Variants in CNNM3 observed in about 807,000 individuals in gnomAD.
CNNM3 encodes the protein cyclin and CBS domain divalent metal cation transport mediator 3, also known as metal transporter CNNM3.
CNNM3 carries 47 observed loss-of-function variants against 57.1 expected under a neutral mutation model. The ratio of observed to expected loss-of-function variants is 0.82; its 90% CI spans 0.65 to 1.05. The LOEUF (loss-of-function observed/expected upper bound fraction) is 1.05. Among genes scored for constraint, CNNM3 ranks in the 50% least tolerant of loss-of-function variants. The pLI is 0.00. For missense variants in CNNM3, 957 were observed against 973.7 expected (o/e 0.98, Z 0.23); for synonymous variants, 507 against 478.2 (o/e 1.06, Z -0.79).
At chr2:96,821,242 T>C (rs2079402058) in intron 1 of CNNM3, among the ~76,000 whole-genome samples, 1 of 152,218 alleles carries the variant, frequency 6.6e-6, no homozygotes, top group Non-Finnish European at 1.5e-5. Context: ...GCAAATATCT[T>C]TATTTTTTCC....
Position 96,832,927 on chromosome 2 carries a change from G to GGGACAGTGC in CNNM3, c.*314_*322dup. On this transcript the variant is annotated 3_prime_UTR_variant, in exon 8 of 8. Transcript: ENST00000305510. ...AGCCTTCCCCTTCTCCCCCGGGGCA[G>GGGACAGTGC]GGACAGTGCGGCATATTCAGATTCA... 1 of 1,417,260 alleles carries GGGACAGTGC rather than the reference G, an allele frequency of 7.1e-7. No homozygotes were observed. The highest frequency in any genetic ancestry group is 9.3e-7 in the Non-Finnish European group (1 of 1,071,494). 87.8% of individuals were successfully genotyped at this position (1,417,260 alleles called of 1,614,324 possible).
intron 2 of CNNM3, among the ~76,000 whole-genome samples, 175 bp from the exon 3 acceptor site, chr2:96,826,657 TG>T (rs1244272352): frequency 2.6e-5 from 4 of 152,144 alleles, no homozygotes; most frequent in African/African-American, 2.4e-5. Context: ...GTGGTTGGGG[TG>T]GGAGCAGGCC....
rs1055552530 is a variant in CNNM3, at chr2:96,825,319, A to G, written c.1369+118A>G. 4 of 1,299,838 alleles carry G rather than the reference A, an allele frequency of 3.1e-6. No individual in the cohort carries two copies. The African/African-American group carries it at 4.4e-5, about 14-fold the overall frequency. The allele number at this position is 1,299,838 out of a possible 1,614,324, so 80.5% of individuals were successfully genotyped here. On this transcript the variant is annotated intron_variant, in intron 2 of 7. Coordinates refer to ENST00000305510, the MANE Select transcript of CNNM3 (RefSeq NM_017623.5). ...CTGGAACCCAGCAAGATCCACAGCC[A>G]GGCCCCCTTCTGAGCCCTGCATGGG...
chr2:96,831,935 C>T lies in CNNM3; in HGVS notation c.2060-617C>T, dbSNP rs1013572939. The T allele has an allele frequency of 1.2e-5, 11 of 944,858 alleles. No individual in the cohort carries two copies. The East Asian group carries it at 8.1e-4, about 70-fold the overall frequency. The allele number at this position is 944,858 out of a possible 1,614,324, so 58.5% of individuals were successfully genotyped here. ...AGGCACAACCATTTCTGCTCAATAG[C>T]TTCTCCTCTTCTTTCTCTCTCTGCT... On this transcript the variant is annotated intron_variant, in intron 7 of 7. Transcript: ENST00000305510.
intron 5 of CNNM3, 164 bp downstream of exon 5, chr2:96,828,359 T>C (rs1298925757): frequency 1.1e-5 from 9 of 815,116 alleles, no homozygotes; most frequent in Non-Finnish European, 1.7e-5. Flanking sequence ...GAGGGCAGCA[T>C]TCTTCATCGC....
intron 1 of CNNM3, among the ~76,000 whole-genome samples, chr2:96,823,544 GGCCCTA>G (rs1287105715): frequency 1.2e-4 from 18 of 152,216 alleles, no homozygotes; most frequent in African/African-American, 4.1e-4. Context: ...AATCTCCAGG[GGCCCTA>G]GCCTTCCTCC....
intron 1 of CNNM3, among the ~76,000 whole-genome samples, chr2:96,817,751 C>T (rs2079346152): frequency 2.3e-5 from 2 of 86,642 alleles, no homozygotes; most frequent in Non-Finnish European, 4.0e-5. Context: ...GTCAGGATAG[C>T]CCCCCCCCCC....
chr2:96,820,664 G>A (rs1574101270), intron 1 of CNNM3, among the ~76,000 whole-genome samples: 2 of 152,184 alleles, frequency 1.3e-5, no homozygotes, highest in African/African-American at 4.8e-5. Flanking sequence ...GGATGCCGTT[G>A]ACCTTTGCAA....
intron 7 of CNNM3, among the ~76,000 whole-genome samples, chr2:96,830,031 A>C (rs2079574763): frequency 6.6e-6 from 1 of 152,212 alleles, no homozygotes; most frequent in African/African-American, 2.4e-5. Context: ...TGGGATATGG[A>C]ACCCCATCCC....
intron 2 of CNNM3, among the ~76,000 whole-genome samples, chr2:96,825,545 T>C (rs916877832): frequency 5.9e-5 from 9 of 152,168 alleles, no homozygotes; most frequent in African/African-American, 2.2e-4. Flanking sequence ...GGTGCTTTTG[T>C]TTTTGCAGGT....
At chr2:96,818,292 C>A (rs989643323) in intron 1 of CNNM3, among the ~76,000 whole-genome samples, 2 of 151,854 alleles carry the variant, frequency 1.3e-5, no homozygotes, top group African/African-American at 4.8e-5. Flanking sequence ...ACCACGTTGA[C>A]CAAGCTGGTC....
intron 1 of CNNM3, among the ~76,000 whole-genome samples, chr2:96,823,404 T>G (rs958809035): frequency 6.6e-6 from 1 of 152,160 alleles, no homozygotes; most frequent in Non-Finnish European, 1.5e-5. Flanking sequence ...CACTTGGCCT[T>G]CCTGGCCTGG....
At chr2:96,825,006 T>C in intron 1 of CNNM3, 52 bp from the exon 2 acceptor site, 1 of 1,607,258 alleles carries the variant, frequency 6.2e-7, no homozygotes, top group Non-Finnish European at 8.5e-7. Context: ...GGGAGATGAA[T>C]CAAACTGGGG....
In CNNM3 at chr2:96,828,981, G is replaced by T; in HGVS notation, c.1921-15G>T. The T allele has an allele frequency of 1.2e-6, 2 of 1,612,524 alleles. No individual in the cohort carries two copies. The highest frequency in any genetic ancestry group is 1.7e-6 in the Non-Finnish European group (2 of 1,178,882). ...GCTTCACCAATTGGGTCCCAGTAAC[G>T]CTGTCATCCTCCAGGTTACGCGACT... On this transcript the variant is annotated splice_polypyrimidine_tract_variant and intron_variant, in intron 6 of 7. Transcript: ENST00000305510.
chr2:96,822,032 G>T (rs2079415936), intron 1 of CNNM3, among the ~76,000 whole-genome samples: 2 of 148,278 alleles, frequency 1.3e-5, no homozygotes, highest in Admixed American at 6.7e-5. Flanking sequence ...GAGATGGAGT[G>T]TTGCTCTCTT....
rs1232311263 is a variant in CNNM3, at chr2:96,816,918, A to T, written c.641A>T (p.Tyr214Phe). The T allele has an allele frequency of 8.4e-7, 1 of 1,191,522 alleles. No individual in the cohort carries two copies. Among genetic ancestry groups the T allele is most frequent in the Admixed American group, 4.8e-5 (1 of 20,860 alleles). 73.8% of individuals were successfully genotyped at this position (1,191,522 alleles called of 1,614,324 possible). Residue 214 changes from tyrosine to phenylalanine, a missense_variant, in exon 1 of 8, where the codon TAC (tyrosine) becomes TTC (phenylalanine). Transcript: ENST00000305510. ...LAQAALAVLL[Y>F]RAAGQRAVPA... Reference sequence around the variant, plus strand: ...CAGGCGGCGCTGGCGGTGCTGCTGTACCGCGCGGCCGGCCAGCGTGCGGTG... The same window carrying T: ...CAGGCGGCGCTGGCGGTGCTGCTGTTCCGCGCGGCCGGCCAGCGTGCGGTG...
intron 3 of CNNM3, 139 bp downstream of exon 3, chr2:96,827,121 C>T: frequency 1.1e-6 from 1 of 928,172 alleles, no homozygotes; most frequent in Non-Finnish European, 1.6e-6. Flanking sequence ...TCTCTGCAGC[C>T]CTGCCAGCAT....
Position 96,817,398 on chromosome 2 carries a change from A to G in CNNM3, c.1121A>G (p.Glu374Gly), listed in dbSNP as rs1416298602. Residue 374 changes from glutamate (E) to glycine (G), a missense_variant, in exon 1 of 8, where the codon GAA becomes GGA. This residue lies in a region of CNNM3 where 491 missense variants were observed against 570.6 expected (regional missense o/e 0.86). Coordinates refer to ENST00000305510, the MANE Select transcript of CNNM3 (RefSeq NM_017623.5). Reference sequence around the variant, plus strand: ...AAGGACTTGGCCTTCGTGGATCCCGAAGACTGCACGCCGCTCAGCACCATC... The same window carrying G: ...AAGGACTTGGCCTTCGTGGATCCCGGAGACTGCACGCCGCTCAGCACCATC... ...YLKDLAFVDPEDCTPLSTITR... is the reference protein window; with the variant it reads ...YLKDLAFVDPGDCTPLSTITR... 6.2e-7 allele frequency: 1 copy of G among 1,614,098 alleles called. No homozygotes were observed. The highest frequency in any genetic ancestry group is 8.5e-7 in the Non-Finnish European group (1 of 1,180,016).
In CNNM3 at chr2:96,816,387, G is replaced by C; in HGVS notation, c.110G>C (p.Cys37Ser). 1 of 1,363,726 alleles carries C rather than the reference G, an allele frequency of 7.3e-7. No individual in the cohort carries two copies. Among genetic ancestry groups the C allele is most frequent in the South Asian group, 1.8e-5 (1 of 56,268 alleles). The allele number at this position is 1,363,726 out of a possible 1,614,324, so 84.5% of individuals were successfully genotyped here. The change falls in exon 1 of 8, where the codon TGC becomes TCC. Residue 37 changes from cysteine to serine, a missense_variant. Around this residue, in one of 2 missense-constraint regions of CNNM3, gnomAD observed 466 missense variants for 403.1 expected, o/e 1.16. Coordinates refer to ENST00000305510, the MANE Select transcript of CNNM3 (RefSeq NM_017623.5). Reference protein sequence around the residue: ...AAPGPRVLGFCLEEDGAAGAG... With the variant: ...AAPGPRVLGFSLEEDGAAGAG... The stretch of plus-strand genomic sequence containing the variant: ...CCGGGCCCGCGAGTGCTGGGCTTCT[G>C]CCTGGAGGAGGATGGAGCGGCGGGC...
Sources: gnomAD v4.1 joint callset for allele counts (sites outside exome capture counted in the v4.1 genomes callset) on GRCh38, gnomAD v4.1.1 for gene constraint, gnomAD v4.1.1 regional missense constraint, MANE v1.5 for transcripts, NCBI Gene and HGNC (gene_info 2026-07-23, HGNC 2026-07-21) for gene names.